MED27: variants seen among roughly 807,000 people sequenced by gnomAD.
MED27 encodes the protein mediator complex subunit 27, also known as mediator of RNA polymerase II transcription subunit 27.
In MED27, 30 loss-of-function variants were observed where a neutral mutation model predicts 38.2. That is an observed-to-expected ratio of 0.79 (90% CI 0.59 to 1.07). The LOEUF (loss-of-function observed/expected upper bound fraction) is 1.07. Ranked by LOEUF, MED27 falls within the 50% of genes least tolerant of loss-of-function variation. MED27 has a pLI of 0.00. For synonymous variants in MED27, 122 were observed against 153.5 expected (o/e 0.79, Z 1.52); for missense variants, 289 against 397.5 (o/e 0.73, Z 2.32).
At chr9:131,981,909 G>C (rs1831745583) in intron 3 of MED27, among the ~76,000 whole-genome samples, 1 of 152,144 alleles carries the variant, frequency 6.6e-6, no homozygotes, top group African/African-American at 2.4e-5. Flanking sequence ...GTAAGAAAAG[G>C]GACTCCAGTC....
intron 4 of MED27, among the ~76,000 whole-genome samples, chr9:131,895,279 C>T (rs1829812392): frequency 6.6e-6 from 1 of 152,220 alleles, no homozygotes; most frequent in Non-Finnish European, 1.5e-5. Flanking sequence ...CTGGGACCCA[C>T]CCGCCCATAG....
At chr9:132,070,217 A>G (rs1439359621) in intron 2 of MED27, among the ~76,000 whole-genome samples, 1 of 152,220 alleles carries the variant, frequency 6.6e-6, no homozygotes, top group Admixed American at 6.5e-5. Context: ...CCTGGAGAGA[A>G]TCCAAAAGTT....
At chr9:131,970,400 C>G (rs1311107420) in intron 3 of MED27, among the ~76,000 whole-genome samples, 1 of 152,224 alleles carries the variant, frequency 6.6e-6, no homozygotes, top group Non-Finnish European at 1.5e-5. Context: ...TCACTGAGGC[C>G]AGGAGGCCGC....
chr9:131,922,896 G>C (rs1482620602), intron 4 of MED27, among the ~76,000 whole-genome samples: 1 of 152,126 alleles, frequency 6.6e-6, no homozygotes, highest in Non-Finnish European at 1.5e-5. Flanking sequence ...TTACAGGCGT[G>C]AACCACCGTG....
chr9:131,971,624 C>T lies in MED27; in HGVS notation c.480-32150G>A, dbSNP rs151240463. Among the ~76,000 whole-genome samples, 792 of 152,178 alleles carry T rather than the reference C, an allele frequency of 5.2e-3. 15 individuals carry two copies. The highest frequency in any genetic ancestry group is 0.018 in the African/African-American group (729 of 41,524). Reference sequence around the variant, plus strand: ...CCCCAAGTGCCAAAAGAGGGTGGCCCGGACCTGGGCCCCGTTAGTGGTGAC... The same window carrying T: ...CCCCAAGTGCCAAAAGAGGGTGGCCTGGACCTGGGCCCCGTTAGTGGTGAC... On this transcript the variant is annotated intron_variant, in intron 3 of 7. Coordinates refer to ENST00000292035, the MANE Select transcript of MED27 (RefSeq NM_004269.4).
intron 3 of MED27, among the ~76,000 whole-genome samples, chr9:131,953,777 GT>G (rs35310508): frequency 8.0e-5 from 12 of 150,454 alleles, no homozygotes; most frequent in Admixed American, 2.0e-4. Context: ...AAATTGTGGG[GT>G]TTTTTTTCCC....
intron 6 of MED27, among the ~76,000 whole-genome samples, chr9:131,881,417 A>AAG (rs1839036980): frequency 6.6e-6 from 1 of 152,018 alleles, no homozygotes; most frequent in Admixed American, 6.6e-5. Context: ...ACCAGGGAGG[A>AAG]AGAGAGAGTG....
intron 4 of MED27, among the ~76,000 whole-genome samples, chr9:131,897,233 T>C (rs1333059954): frequency 6.6e-6 from 1 of 152,250 alleles, no homozygotes; most frequent in African/African-American, 2.4e-5. Context: ...ACAGTGTATA[T>C]TTTTGTTCAC....
At chr9:131,914,898 T>C (rs1017644100) in intron 4 of MED27, among the ~76,000 whole-genome samples, 5 of 152,098 alleles carry the variant, frequency 3.3e-5, no homozygotes, top group South Asian at 2.1e-4. Flanking sequence ...AATGGATTGA[T>C]TGTGAAGTAT....
At chr9:131,991,859 T>A (rs1235803655) in intron 3 of MED27, among the ~76,000 whole-genome samples, 1 of 152,076 alleles carries the variant, frequency 6.6e-6, no homozygotes, top group African/African-American at 2.4e-5. Flanking sequence ...GTAGCTGGGA[T>A]TACAGGCGAG....
chr9:131,966,764 C>G (rs1376837733), intron 3 of MED27, among the ~76,000 whole-genome samples: 1 of 152,146 alleles, frequency 6.6e-6, no homozygotes, highest in Non-Finnish European at 1.5e-5. Context: ...AGCTATGTGA[C>G]CCTAGCCAAG....
At chr9:131,945,260 T>G (rs1380069732) in intron 3 of MED27, among the ~76,000 whole-genome samples, 7 of 151,430 alleles carry the variant, frequency 4.6e-5, no homozygotes. Flanking sequence ...TAAATCATGT[T>G]TCTGTGATAG....
Position 131,972,616 on chromosome 9 carries a change from T to C in MED27, c.480-33142A>G, listed in dbSNP as rs7027732. On this transcript the variant is annotated intron_variant, in intron 3 of 7. Coordinates refer to ENST00000292035, the MANE Select transcript of MED27 (RefSeq NM_004269.4). ...TTTGACTCCAATTGTCCCGCTTCTC[T>C]CCTGAACTCTCCAAGTCCCTGGGCT... is the stretch of plus-strand genomic sequence containing the variant. Among the ~76,000 whole-genome samples the C allele has an allele frequency of 5.2e-3, 796 of 152,336 alleles. 15 individuals carry two copies. The highest frequency in any genetic ancestry group is 0.018 in the African/African-American group (732 of 41,570).
intron 2 of MED27, among the ~76,000 whole-genome samples, chr9:132,021,441 G>C (rs76480509): frequency 0.028 from 4,309 of 152,178 alleles, 185 homozygotes; most frequent in African/African-American, 0.093. Context: ...TAAAGGGAAA[G>C]AGAAAGACAA....
In MED27 at chr9:132,003,975, C is replaced by CAT. The variant is rs1442930821; in HGVS notation, c.479+10361_479+10362insAT. ...AAGGCTTTCAGAGTGAACATACACA[C>CAT]ACACACATACACAGAAATTCTCTCC... On this transcript the variant is annotated intron_variant, in intron 3 of 7. Coordinates refer to ENST00000292035, the MANE Select transcript of MED27 (RefSeq NM_004269.4). This position sits in a 1 kb window ranked among gnomAD's most constrained non-coding sequence, Gnocchi z 4.2. 2.0e-5 allele frequency among the ~76,000 whole-genome samples: 3 copies of CAT among 152,016 alleles called. No individual in the cohort carries two copies. The highest frequency in any genetic ancestry group is 4.4e-5 in the Non-Finnish European group (3 of 67,984).
chr9:131,963,144 T>C (rs1318464118), intron 3 of MED27, among the ~76,000 whole-genome samples: 6 of 152,216 alleles, frequency 3.9e-5, no homozygotes, highest in Non-Finnish European at 1.5e-5. Flanking sequence ...ATTTTCTGTT[T>C]GGGTCCTACC....
At chr9:131,907,473 G>A (rs1326906620) in intron 4 of MED27, among the ~76,000 whole-genome samples, 1 of 152,180 alleles carries the variant, frequency 6.6e-6, no homozygotes, top group Non-Finnish European at 1.5e-5. Flanking sequence ...GCCAGCCTCC[G>A]CCTACCGAGG....
intron 2 of MED27, among the ~76,000 whole-genome samples, chr9:132,035,603 T>G (rs979495291): frequency 1.3e-5 from 2 of 152,146 alleles, no homozygotes; most frequent in South Asian, 4.1e-4. Context: ...AAATGCATCT[T>G]AGAGGCAATC....
intron 3 of MED27, among the ~76,000 whole-genome samples, chr9:131,976,124 G>T (rs1389643504): frequency 1.3e-5 from 2 of 152,158 alleles, no homozygotes; most frequent in Admixed American, 6.5e-5. Flanking sequence ...GAAAGAGAAG[G>T]TTGTGTGTGG....
Sources: allele counts gnomAD v4.1 joint callset (sites outside exome capture counted in the v4.1 genomes callset), GRCh38; gene constraint gnomAD v4.1.1; non-coding constraint Gnocchi (gnomAD v3.1); transcripts MANE v1.5; gene names NCBI Gene and HGNC (gene_info 2026-07-23, HGNC 2026-07-21).